The following UBR3 variants were observed in gnomAD, a reference collection of about 807,000 sequenced individuals.
The protein encoded by UBR3 is E3 ubiquitin-protein ligase UBR3.
UBR3 carries 85 observed loss-of-function variants against 243.2 expected under a neutral mutation model. The observed-to-expected ratio is 0.35, with a 90% CI of 0.29 to 0.42. UBR3 has a LOEUF of 0.42. UBR3 is among the 10% of genes least tolerant of loss of function. UBR3 has a pLI of 1.00. For missense variants in UBR3, 1,686 were observed against 2,300.8 expected (o/e 0.73, Z 5.47); for synonymous variants, 748 against 799.8 (o/e 0.94, Z 1.09).
intron 24 of UBR3, among the ~76,000 whole-genome samples, chr2:169,966,109 A>G (rs1337911988): frequency 2.0e-5 from 3 of 152,170 alleles, no homozygotes; most frequent in Non-Finnish European, 4.4e-5. Flanking sequence ...AGTTTCCTAC[A>G]TGAAGAGGCA....
chr2:169,983,704 T>C (rs1246256126), intron 24 of UBR3, among the ~76,000 whole-genome samples: 1 of 152,184 alleles, frequency 6.6e-6, no homozygotes, highest in Non-Finnish European at 1.5e-5. Context: ...GGGGCCATCT[T>C]GCGGTCATTT....
chr2:170,027,840 C>G (rs2090570640), intron 30 of UBR3, among the ~76,000 whole-genome samples: 1 of 151,850 alleles, frequency 6.6e-6, no homozygotes, highest in African/African-American at 2.4e-5. Context: ...TGTTTTTCCT[C>G]TGCTAAAACT....
intron 5 of UBR3, among the ~76,000 whole-genome samples, chr2:169,882,288 T>C (rs2105317917): frequency 7.1e-6 from 1 of 140,488 alleles, no homozygotes; most frequent in East Asian, 2.0e-4. Flanking sequence ...TATATTTATA[T>C]ATTGTATATT....
At chr2:169,958,406 G>C in intron 23 of UBR3, 32 bp from the exon 24 acceptor site, 1 of 1,602,654 alleles carries the variant, frequency 6.2e-7, no homozygotes, top group South Asian at 1.1e-5. Context: ...AAGCGCATCT[G>C]ATACTTAAAA....
In UBR3 at chr2:170,081,024, T is replaced by A. The variant is rs568425463; in HGVS notation, c.5549+340T>A. Reference sequence around the variant, plus strand: ...GGACAACATAGTGAGACCTCATCTCTACAAAAAAATAAAAATAAATAAGCC... The same window carrying A: ...GGACAACATAGTGAGACCTCATCTCAACAAAAAAATAAAAATAAATAAGCC... On this transcript the variant is annotated intron_variant, in intron 38 of 38. Coordinates refer to ENST00000272793, the MANE Select transcript of UBR3 (RefSeq NM_172070.4). 4.0e-5 allele frequency among the ~76,000 whole-genome samples: 6 copies of A among 151,794 alleles called. No individual in the cohort carries two copies. In the East Asian group the frequency reaches 1.2e-3, roughly 29 times the overall value.
In UBR3 at chr2:169,892,229, C is replaced by A. The variant is rs1233076619; in HGVS notation, c.1105+998C>A. On this transcript the variant is annotated intron_variant, in intron 6 of 38. Coordinates refer to ENST00000272793, the MANE Select transcript of UBR3 (RefSeq NM_172070.4). ...ACATACAGGTATGTTCTCCTTTTTT[C>A]TGGCTCAGCAGAGAACCTGTATGTC... 3.3e-5 allele frequency among the ~76,000 whole-genome samples: 5 copies of A among 152,096 alleles called. No individual in the cohort carries two copies. The East Asian group carries it at 9.6e-4, about 29-fold the overall frequency.
At chr2:170,037,977 C>T (rs761249491) in intron 31 of UBR3, among the ~76,000 whole-genome samples, 72 of 152,098 alleles carry the variant, frequency 4.7e-4, no homozygotes, top group Non-Finnish European at 9.1e-4. Context: ...GAATCCACCT[C>T]TCATTTTGAG....
chr2:170,011,127 T>G lies in UBR3; in HGVS notation c.4367+2187T>G, dbSNP rs1348740563. On this transcript the variant is annotated intron_variant, in intron 29 of 38. Transcript: ENST00000272793. ...GGTCAAGGCTATAGTGAGCTGTGAT[T>G]GAGCGACTGCACTTCAGCTTGGGCA... Among the ~76,000 whole-genome samples the G allele has an allele frequency of 3.9e-5, 6 of 152,246 alleles. No individual in the cohort carries two copies. The East Asian group carries it at 1.2e-3, about 29-fold the overall frequency.
At chr2:169,973,961 T>C (rs921531301) in intron 24 of UBR3, among the ~76,000 whole-genome samples, 2 of 152,230 alleles carry the variant, frequency 1.3e-5, no homozygotes, top group Non-Finnish European at 2.9e-5. Context: ...TTGTATAATT[T>C]TTGTCCTTCA....
intron 24 of UBR3, among the ~76,000 whole-genome samples, chr2:169,981,760 G>T (rs1003877072): frequency 8.6e-5 from 13 of 151,200 alleles, no homozygotes; most frequent in South Asian, 2.1e-4. Context: ...ATGAAACTGT[G>T]GGGGGGAGGG....
intron 19 of UBR3, among the ~76,000 whole-genome samples, chr2:169,939,089 G>T (rs568526574): frequency 6.6e-6 from 1 of 151,472 alleles, no homozygotes; most frequent in East Asian, 1.9e-4. Context: ...TCTTCCTTGT[G>T]TTTTTATTCC....
At chr2:169,952,666 G>A (rs929092859) in intron 23 of UBR3, among the ~76,000 whole-genome samples, 1 of 151,990 alleles carries the variant, frequency 6.6e-6, no homozygotes, top group Non-Finnish European at 1.5e-5. Flanking sequence ...CTGCACTCCA[G>A]CCTGGCGACA....
chr2:170,008,985 A>T, intron 29 of UBR3, 45 bp downstream of exon 29: 1 of 1,204,326 alleles, frequency 8.3e-7, no homozygotes, highest in South Asian at 1.9e-5. Context: ...TACTATTAAT[A>T]GTTGATTTTA....
In UBR3 at chr2:169,878,781, G is replaced by A. The variant is rs576758881; in HGVS notation, c.1038+207G>A. Among the ~76,000 whole-genome samples, 106 of 152,224 alleles carry A rather than the reference G, an allele frequency of 7.0e-4. No homozygotes were observed. The South Asian group carries it at 9.3e-3, about 13-fold the overall frequency. On this transcript the variant is annotated intron_variant, in intron 5 of 38. Transcript: ENST00000272793. The stretch of plus-strand genomic sequence containing the variant: ...TCACACAATTACTTAGTGAGAGAAC[G>A]AGGTGTGTAACTAGATTTTTACTTC...
intron 30 of UBR3, among the ~76,000 whole-genome samples, chr2:170,018,236 TTTTG>T (rs1287348120): frequency 1.3e-5 from 2 of 152,302 alleles, no homozygotes; most frequent in South Asian, 2.1e-4. Flanking sequence ...GTGAATCCTT[TTTTG>T]TTTGTTTGTT....
intron 1 of UBR3, among the ~76,000 whole-genome samples, chr2:169,857,091 T>TTTTG (rs2082911942): frequency 3.4e-5 from 4 of 118,594 alleles, no homozygotes; most frequent in Admixed American, 8.4e-5. Flanking sequence ...TTTTTTTTTT[T>TTTTG]GAGACGGAGT....
chr2:169,882,511 C>T (rs1213885925), intron 5 of UBR3, among the ~76,000 whole-genome samples: 4 of 150,508 alleles, frequency 2.7e-5, no homozygotes, highest in African/African-American at 4.9e-5. Context: ...GAGGCCGAGG[C>T]GGGCAGATCA....
intron 25 of UBR3, 85 bp downstream of exon 25, chr2:169,986,879 AT>A (rs1258238520): frequency 1.4e-6 from 2 of 1,416,352 alleles, no homozygotes; most frequent in African/African-American, 2.9e-5. Flanking sequence ...TTAAATGAAA[AT>A]TATATCTTTG....
At chr2:169,883,029 A>C (rs953266093) in intron 5 of UBR3, among the ~76,000 whole-genome samples, 7 of 152,174 alleles carry the variant, frequency 4.6e-5, no homozygotes, top group African/African-American at 1.7e-4. Context: ...CATGATTGTC[A>C]TTACTGTTGC....
Sources: gnomAD v4.1 joint callset for allele counts (sites outside exome capture counted in the v4.1 genomes callset) on GRCh38, gnomAD v4.1.1 for gene constraint, MANE v1.5 for transcripts, NCBI Gene and HGNC (gene_info 2026-07-23, HGNC 2026-07-21) for gene names.